Variants in TDP1 observed in about 807,000 individuals in gnomAD.
TDP1 encodes tyrosyl-DNA phosphodiesterase 1, also known as tyr-DNA phosphodiesterase 1.
A neutral mutation model predicts 81.5 loss-of-function variants in TDP1; 64 were observed. The observed-to-expected ratio is 0.79, with a 90% confidence interval of 0.64 to 0.97. The LOEUF (loss-of-function observed/expected upper bound fraction) is 0.97. Among genes scored for constraint, TDP1 ranks in the 50% least tolerant of loss-of-function variants. The probability of loss-of-function intolerance (pLI) is 0.00; values close to 1 mark genes in which losing one functional copy is unlikely to be tolerated. For missense variants in TDP1, 723 were observed against 743.8 expected (o/e 0.97, Z 0.33); for synonymous variants, 256 against 264.3 (o/e 0.97, Z 0.30).
intron 5 of TDP1, chr14:89,970,798 G>A (rs8020872): frequency 0.035 from 33,385 of 946,618 alleles, 2,591 homozygotes; most frequent in African/African-American, 0.29. Flanking sequence ...TTAATGAGGC[G>A]AGTCCAGCTT....
intron 12 of TDP1, among the ~76,000 whole-genome samples, chr14:89,990,838 A>G (rs927366786): frequency 8.0e-6 from 1 of 124,854 alleles, no homozygotes; most frequent in African/African-American, 3.0e-5. Context: ...AGTGTGGAGA[A>G]GTTCCAGCAT....
rs35257587 is a variant in TDP1 at position 89,966,271 on chromosome 14, C to T, written c.603+81C>T. 0.041 allele frequency: 38,532 copies of T among 945,836 alleles called. 3,363 individuals are homozygous for T. The highest frequency in any genetic ancestry group is 0.31 in the African/African-American group (19,147 of 62,082). The allele number at this position is 945,836 out of a possible 1,614,324, so 58.6% of individuals were successfully genotyped here. ...CAACTCCATAAGAAAATATGAGAGG[C>T]ATAGTTTGGGGATCTCAGTCCTGTT... On this transcript the variant is annotated intron_variant, in intron 4 of 16. Transcript: ENST00000335725.
At chr14:89,971,070 A>T in intron 5 of TDP1, 105 bp from the exon 6 acceptor site, 1 of 906,420 alleles carries the variant, frequency 1.1e-6, no homozygotes, top group Non-Finnish European at 1.8e-6. Flanking sequence ...TCCTGACCTC[A>T]GGTAGTCCAC....
At chr14:89,978,807 C>T (rs868521043) in intron 7 of TDP1, among the ~76,000 whole-genome samples, 1 of 152,098 alleles carries the variant, frequency 6.6e-6, no homozygotes, top group South Asian at 2.1e-4. Context: ...GTAAATTTGC[C>T]CAGATTTCAG....
At chr14:89,980,672 T>G in intron 8 of TDP1, 40 bp downstream of exon 8, 1 of 1,510,322 alleles carries the variant, frequency 6.6e-7, no homozygotes, top group Non-Finnish European at 9.2e-7. Context: ...GTGTGTGTGT[T>G]GATAAAGGTC....
intron 2 of TDP1, among the ~76,000 whole-genome samples, chr14:89,962,420 C>T (rs1250255466): frequency 6.6e-6 from 1 of 152,134 alleles, no homozygotes; most frequent in Admixed American, 6.5e-5. Flanking sequence ...CCAATTTGAC[C>T]TTAAGCATTT....
At chr14:89,983,113 G>A (rs1283369019) in intron 8 of TDP1, 1 of 455,864 alleles carries the variant, frequency 2.2e-6, no homozygotes, top group Non-Finnish European at 4.4e-6. Context: ...TTCTCATCCA[G>A]AACTCACCTG....
At chr14:89,992,080 T>C in intron 13 of TDP1, 97 bp downstream of exon 13, 1 of 977,548 alleles carries the variant, frequency 1.0e-6, no homozygotes, top group South Asian at 1.4e-5. Flanking sequence ...GAACTTTATG[T>C]AATATAGCTA....
rs34172516 is a variant in TDP1, at chr14:89,971,418, T to G, written c.756+147T>G. On this transcript the variant is annotated intron_variant, in intron 6 of 16. Coordinates refer to ENST00000335725, the MANE Select transcript of TDP1 (RefSeq NM_018319.4). ...TTTGTCTAGCCTCAGCTTAAACACT[T>G]CCTGAGATAGAGCATCCCATTCATA... The G allele has an allele frequency of 1.3e-4, 93 of 708,368 alleles. No homozygotes were observed. In the East Asian group the frequency reaches 2.6e-3, roughly 20 times the overall value. 43.9% of individuals were successfully genotyped at this position (708,368 alleles called of 1,614,324 possible).
intron 15 of TDP1, among the ~76,000 whole-genome samples, chr14:90,022,042 A>C (rs1886147345): frequency 6.6e-6 from 1 of 152,186 alleles, no homozygotes; most frequent in Admixed American, 6.5e-5. Flanking sequence ...TGCTCTAATC[A>C]GGCATTGTGG....
intron 14 of TDP1, among the ~76,000 whole-genome samples, chr14:89,999,047 G>A (rs1480109369): frequency 6.6e-6 from 1 of 152,034 alleles, no homozygotes; most frequent in East Asian, 1.9e-4. Flanking sequence ...TTAAATAGTC[G>A]ACTTCAGCTT....
intron 3 of TDP1, 109 bp from the exon 4 acceptor site, chr14:89,966,038 G>A (rs1892904079): frequency 2.0e-6 from 2 of 997,210 alleles, no homozygotes; most frequent in Non-Finnish European, 3.2e-6. Context: ...AGCTTACTGT[G>A]TTCTGAGTCA....
chr14:90,000,312 A>G (rs892014920), intron 14 of TDP1, among the ~76,000 whole-genome samples: 9 of 152,198 alleles, frequency 5.9e-5, no homozygotes, highest in African/African-American at 1.9e-4. Context: ...ACTCTATCAT[A>G]TTCACAATTC....
chr14:89,983,348 C>T (rs546633145), intron 8 of TDP1: 1 of 274,102 alleles, frequency 3.6e-6, no homozygotes, highest in Non-Finnish European at 7.3e-6. Context: ...ACCTCCTGTG[C>T]TAAGTGTCTC....
At chr14:89,988,100 A>G (rs751664566) in intron 10 of TDP1, among the ~76,000 whole-genome samples, 6 of 152,138 alleles carry the variant, frequency 3.9e-5, no homozygotes, top group Non-Finnish European at 5.9e-5. Flanking sequence ...CTTTATTATA[A>G]AGGATACAGA....
rs751528967 is a variant in TDP1, at chr14:89,971,210, G to A, written c.695G>A (p.Arg232Gln). ...KPILLVHGDK[R>Q]EAKAHLHAQA... is the part of the protein sequence containing the mutation. ...ATCCTGCTTGTGCATGGTGATAAGC[G>A]AGAGGCTAAGGCTCACCTCCATGCC... Residue 232 changes from arginine (R) to glutamine (Q), a missense_variant, in exon 6 of 17, where the codon CGA becomes CAA. Arg to Gln is a conservative substitution (Grantham distance 43, BLOSUM62 1). Transcript: ENST00000335725. 41 of 1,613,956 alleles carry A rather than the reference G, an allele frequency of 2.5e-5. No individual in the cohort carries two copies. The highest frequency in any genetic ancestry group is 5.0e-5 in the Admixed American group (3 of 59,996).
intron 14 of TDP1, among the ~76,000 whole-genome samples, chr14:90,000,546 C>G (rs921848864): frequency 1.3e-5 from 2 of 152,022 alleles, no homozygotes; most frequent in Non-Finnish European, 2.9e-5. Context: ...CACCAGACCA[C>G]GGCTAATTTT....
At chr14:89,987,406 T>G (rs7151183) in intron 10 of TDP1, among the ~76,000 whole-genome samples, 6,924 of 152,310 alleles carry the variant, frequency 0.045, 522 homozygotes, top group African/African-American at 0.16. Context: ...TAAAAAAAGT[T>G]ATTTTTTATT....
Position 89,979,813 on chromosome 14 carries a change from TTAAAA to T in TDP1, c.792-723_792-719del, listed in dbSNP as rs572687738. On this transcript the variant is annotated intron_variant, in intron 7 of 16. Transcript: ENST00000335725. ...TCCTATTCCCTCTCTCTCACTGCAA[TTAAAA>T]TAAGAGAAATGTGTTCGACTAGAGG... Among the ~76,000 whole-genome samples, 154 of 152,188 alleles carry T rather than the reference TTAAAA, an allele frequency of 1.0e-3. 2 individuals are homozygous for T. The Middle Eastern group carries it at 0.01, about 10-fold the overall frequency.
Sources: allele counts gnomAD v4.1 joint callset (sites outside exome capture counted in the v4.1 genomes callset), GRCh38; gene constraint gnomAD v4.1.1; transcripts MANE v1.5; gene names NCBI Gene and HGNC (gene_info 2026-07-23, HGNC 2026-07-21).